MTCL3: variants seen among roughly 807,000 people sequenced by gnomAD.
The protein encoded by MTCL3 is MTCL family member 3.
chr6:127,488,287 C>T, the MTCL3 span, among the ~76,000 whole-genome samples: 2 of 152,162 alleles, frequency 1.3e-5, no homozygotes, highest in Non-Finnish European at 2.9e-5. Context: ...GCAAATCCTT[C>T]GGCCATTCTC....
At chr6:127,513,499 G>T in the MTCL3 span, among the ~76,000 whole-genome samples, 2 of 152,174 alleles carry the variant, frequency 1.3e-5, no homozygotes, top group South Asian at 4.1e-4. Context: ...CTATGTTAAA[G>T]AATGAAAAAT....
the MTCL3 span, chr6:127,476,098 G>C: frequency 6.2e-7 from 1 of 1,613,950 alleles, no homozygotes; most frequent in African/African-American, 1.3e-5. This position sits in a 1 kb window ranked among gnomAD's most constrained non-coding sequence, Gnocchi z 4.4. Context: ...CCGCAGCTCC[G>C]ACAGGGATTC....
At chr6:127,511,501 G>A in the MTCL3 span, among the ~76,000 whole-genome samples, 7 of 152,100 alleles carry the variant, frequency 4.6e-5, no homozygotes, top group Admixed American at 3.9e-4. Flanking sequence ...CATGAGGAAA[G>A]TCTTACATAC....
chr6:127,514,668 T>G, the MTCL3 span, among the ~76,000 whole-genome samples: 1 of 152,180 alleles, frequency 6.6e-6, no homozygotes, highest in Non-Finnish European at 1.5e-5. Context: ...TTCTCTCCCT[T>G]CTGAGACCCT....
the MTCL3 span, chr6:127,475,640 G>A: frequency 1.9e-6 from 3 of 1,596,592 alleles, no homozygotes; most frequent in Non-Finnish European, 1.7e-6. The surrounding 1 kb of genome is among the most constrained non-coding windows in gnomAD (Gnocchi z 7.3). Flanking sequence ...TAGAAGGAGC[G>A]AGTGGGCGTG....
At chr6:127,490,587 G>C in the MTCL3 span, among the ~76,000 whole-genome samples, 1 of 151,740 alleles carries the variant, frequency 6.6e-6, no homozygotes, top group Non-Finnish European at 1.5e-5. Context: ...GGGAGCCTTA[G>C]GCAGGTGGAT....
the MTCL3 span, among the ~76,000 whole-genome samples, chr6:127,493,943 C>A: frequency 1.2e-4 from 19 of 152,184 alleles, no homozygotes; most frequent in East Asian, 2.3e-3. Flanking sequence ...AATTCTTTAT[C>A]GTTAAGGAAT....
chr6:127,506,056 T>C, the MTCL3 span, among the ~76,000 whole-genome samples: 8 of 152,214 alleles, frequency 5.3e-5, no homozygotes, highest in South Asian at 2.1e-4. Context: ...CTGAGGCCTA[T>C]AAATTTTAAG....
At chr6:127,505,526 G>A in the MTCL3 span, among the ~76,000 whole-genome samples, 1 of 152,296 alleles carries the variant, frequency 6.6e-6, no homozygotes, top group African/African-American at 2.4e-5. Context: ...AGAGGATGGA[G>A]CGTGGGAGGA....
At chr6:127,513,905 C>T in the MTCL3 span, among the ~76,000 whole-genome samples, 1 of 152,088 alleles carries the variant, frequency 6.6e-6, no homozygotes, top group East Asian at 1.9e-4. Context: ...GTGTTTGCCA[C>T]AGTGCTTAGT....
chr6:127,509,794 A>C, the MTCL3 span, among the ~76,000 whole-genome samples: 1 of 152,230 alleles, frequency 6.6e-6, no homozygotes, highest in African/African-American at 2.4e-5. Flanking sequence ...ACCCTTATCC[A>C]CAGAGTAAGC....
chr6:127,504,746 A>G, the MTCL3 span, among the ~76,000 whole-genome samples: 1 of 152,222 alleles, frequency 6.6e-6, no homozygotes, highest in Non-Finnish European at 1.5e-5. Context: ...ATTTTTTATT[A>G]TGCTCTTGAA....
the MTCL3 span, among the ~76,000 whole-genome samples, chr6:127,509,118 G>C: frequency 6.6e-6 from 1 of 152,232 alleles, no homozygotes; most frequent in African/African-American, 2.4e-5. Context: ...AGAAAGCATA[G>C]TGCTGGTAGC....
chr6:127,512,934 A>G, the MTCL3 span: 1 of 1,612,460 alleles, frequency 6.2e-7, no homozygotes. Context: ...TTGCTTTGCA[A>G]TTTCAACTTC....
chr6:127,492,666 G>A, the MTCL3 span, among the ~76,000 whole-genome samples: 122 of 151,972 alleles, frequency 8.0e-4, 3 homozygotes, highest in Middle Eastern at 0.014. Context: ...GACTACAGGC[G>A]CCCGCCACCA....
chr6:127,475,211 C>T, the MTCL3 span: 8 of 1,436,188 alleles, frequency 5.6e-6, no homozygotes, highest in East Asian at 2.3e-5. This position sits in a 1 kb window ranked among gnomAD's most constrained non-coding sequence, Gnocchi z 7.3. Context: ...CGCGGCAGTC[C>T]GGGCGCCGAG....
At chr6:127,513,251 A>G in the MTCL3 span, among the ~76,000 whole-genome samples, 1 of 152,180 alleles carries the variant, frequency 6.6e-6, no homozygotes, top group Non-Finnish European at 1.5e-5. Flanking sequence ...GATAGGTACT[A>G]TTATTACTTC....
chr6:127,516,120 T>G, the MTCL3 span: 6 of 1,421,592 alleles, frequency 4.2e-6, no homozygotes, highest in South Asian at 4.2e-5. Flanking sequence ...CTCCTCCCCC[T>G]TCTCCGAGCG....
At chr6:127,476,699 A>C in the MTCL3 span, among the ~76,000 whole-genome samples, 1 of 152,362 alleles carries the variant, frequency 6.6e-6, no homozygotes, top group African/African-American at 2.4e-5. This position sits in a 1 kb window ranked among gnomAD's most constrained non-coding sequence, Gnocchi z 4.4. Flanking sequence ...GAATATGAAA[A>C]GAGAATAACT....
Sources: allele counts gnomAD v4.1 joint callset (sites outside exome capture counted in the v4.1 genomes callset), GRCh38; gene constraint gnomAD v4.1.1; non-coding constraint Gnocchi (gnomAD v3.1); transcripts MANE v1.5; gene names NCBI Gene and HGNC (gene_info 2026-07-23, HGNC 2026-07-21).